PROX2: variants seen among roughly 807,000 people sequenced by gnomAD.
The protein encoded by PROX2 is prospero homeobox protein 2.
PROX2 carries 46 observed loss-of-function variants against 48.9 expected under a neutral mutation model. That is an observed-to-expected ratio of 0.94 (90% CI 0.74 to 1.20). PROX2 has a LOEUF of 1.20. PROX2 is among the 50% of genes most tolerant of loss of function. PROX2 has a pLI of 0.00. For synonymous variants in PROX2, 260 were observed against 276.6 expected (o/e 0.94, Z 0.60); for missense variants, 663 against 719.4 (o/e 0.92, Z 0.90).
rs1261155923 is a variant in PROX2 at position 74,854,373 on chromosome 14, A to C, written c.*759T>G. 2 of 320,912 alleles carry C rather than the reference A, an allele frequency of 6.2e-6. No homozygotes were observed. The highest frequency in any genetic ancestry group is 1.3e-5 in the Non-Finnish European group (2 of 158,300). The allele number at this position is 320,912 out of a possible 1,614,324, so 19.9% of individuals were successfully genotyped here. ...TCCTAAGTGCTGGGCAGGAGTTGTC[A>C]GGTGACGGTGCCCTGTCAGCGCTGG... On this transcript the variant is annotated 3_prime_UTR_variant, in exon 6 of 6. Transcript: ENST00000556489.
chr14:74,864,214 G>A (rs1483677111), intron 2 of PROX2, among the ~76,000 whole-genome samples: 2 of 152,090 alleles, frequency 1.3e-5, no homozygotes, highest in South Asian at 4.2e-4. Flanking sequence ...AGGAGACTCC[G>A]AGAGTGATCT....
At chr14:74,870,589 A>G (rs1223713944) in intron 2 of PROX2, among the ~76,000 whole-genome samples, 2 of 151,242 alleles carry the variant, frequency 1.3e-5, no homozygotes, top group Non-Finnish European at 3.0e-5. Flanking sequence ...TTTTTAATGG[A>G]TATGTTTTCA....
Position 74,856,895 on chromosome 14 carries a change from T to C in PROX2, c.1514A>G (p.Asp505Gly), listed in dbSNP as rs374516263. The change falls in exon 5 of 6, where the codon GAT becomes GGT. Residue 505 changes from aspartate to glycine, a missense_variant. Asp to Gly is a moderately conservative substitution (Grantham distance 94, BLOSUM62 -1). Transcript: ENST00000556489. ...MEKSARQAIS[D>G]GVTNPKMLVV... ...CAGCATTTTGGGATTTGTGACACCA[T>C]CTGAAATTGCTTGCCGGGCAGATTT... The C allele has an allele frequency of 1.9e-6, 3 of 1,614,008 alleles. 1 individual carries two copies. The African/African-American group carries it at 4.0e-5, about 22-fold the overall frequency.
In PROX2 at chr14:74,863,331, C is replaced by T. The variant is rs372063691; in HGVS notation, c.504G>A (p.Thr168=). The T allele has an allele frequency of 2.7e-5, 43 of 1,613,932 alleles. No individual in the cohort carries two copies. The highest frequency in any genetic ancestry group is 1.6e-4 in the Middle Eastern group (1 of 6,082). ...DTAQGPGGCG[T]GKGPLSAKQG... ...GCTTTGCACTCAGAGGGCCTTTCCC[C>T]GTGCCACAGCCTCCTGGCCCCTGAG... Residue 168 remains threonine (T), a synonymous_variant, in exon 3 of 6, where the codon ACG becomes ACA. Coordinates refer to ENST00000556489, the MANE Select transcript of PROX2 (RefSeq NM_001243007.2).
intron 2 of PROX2, among the ~76,000 whole-genome samples, chr14:74,867,265 C>T (rs148876271): frequency 2.6e-4 from 40 of 152,304 alleles, no homozygotes; most frequent in African/African-American, 9.1e-4. Flanking sequence ...GAGCCACTAC[C>T]CTCAACAATT....
At chr14:74,873,197 A>C (rs925469571) in intron 1 of PROX2, among the ~76,000 whole-genome samples, 2 of 152,054 alleles carry the variant, frequency 1.3e-5, no homozygotes, top group East Asian at 1.9e-4. Context: ...GTTAGCCAGG[A>C]TGGTCTCAAT....
At chr14:74,860,205 T>C (rs965605808) in intron 3 of PROX2, among the ~76,000 whole-genome samples, 1 of 152,254 alleles carries the variant, frequency 6.6e-6, no homozygotes, top group African/African-American at 2.4e-5. Context: ...CAGAATTTGT[T>C]AGCTTATAAA....
intron 3 of PROX2, among the ~76,000 whole-genome samples, chr14:74,860,885 T>C (rs948500010): frequency 6.6e-6 from 1 of 151,986 alleles, no homozygotes; most frequent in African/African-American, 2.4e-5. Flanking sequence ...GAGACTGAGG[T>C]GTTTTTGCAG....
chr14:74,858,168 T>C (rs574086651), intron 4 of PROX2: 13 of 383,684 alleles, frequency 3.4e-5, no homozygotes, highest in African/African-American at 2.7e-4. Flanking sequence ...TGTGTTTCTG[T>C]TTTGGGGATT....
intron 4 of PROX2, chr14:74,857,214 C>CTT (rs1343935057): frequency 2.2e-6 from 1 of 456,918 alleles, no homozygotes; most frequent in East Asian, 3.2e-5. Context: ...TAGAACATAA[C>CTT]TTTTTTTTGA....
chr14:74,873,915 G>A, intron 1 of PROX2: 1 of 468,004 alleles, frequency 2.1e-6, no homozygotes, highest in Middle Eastern at 4.5e-4. Context: ...AGGGTTCTGT[G>A]TTGGATTTGA....
intron 2 of PROX2, among the ~76,000 whole-genome samples, chr14:74,870,754 T>C (rs975393501): frequency 3.3e-5 from 5 of 152,054 alleles, no homozygotes; most frequent in African/African-American, 9.7e-5. Flanking sequence ...AAAAATAAAG[T>C]CTAGGCCGGG....
intron 3 of PROX2, among the ~76,000 whole-genome samples, chr14:74,861,005 G>A (rs1243151980): frequency 6.6e-6 from 1 of 152,204 alleles, no homozygotes; most frequent in Non-Finnish European, 1.5e-5. Context: ...CAAGAGTGGT[G>A]GCAAGTGAAG....
In PROX2 at chr14:74,863,950, C is replaced by T; in HGVS notation, c.-116G>A. On this transcript the variant is annotated 5_prime_UTR_variant, in exon 3 of 6. Coordinates refer to ENST00000556489, the MANE Select transcript of PROX2 (RefSeq NM_001243007.2). ...ACTTAGAAGGGTAAAGAGCCACTGT[C>T]ACTGAGGAAGGATTCAGATTCTGGG... The T allele has an allele frequency of 8.0e-7, 1 of 1,251,424 alleles. No homozygotes were observed. Among genetic ancestry groups the T allele is most frequent in the Non-Finnish European group, 1.0e-6 (1 of 984,790 alleles). The allele number at this position is 1,251,424 out of a possible 1,614,324, so 77.5% of individuals were successfully genotyped here.
intron 1 of PROX2, among the ~76,000 whole-genome samples, 179 bp from the exon 2 acceptor site, chr14:74,871,416 G>A (rs148606729): frequency 8.1e-4 from 123 of 152,250 alleles, no homozygotes; most frequent in Non-Finnish European, 1.5e-3. Flanking sequence ...TAACTGCGAA[G>A]GCACATAGGA....
chr14:74,865,922 A>G (rs1172150100), intron 2 of PROX2, among the ~76,000 whole-genome samples: 1 of 152,152 alleles, frequency 6.6e-6, no homozygotes, highest in Non-Finnish European at 1.5e-5. Flanking sequence ...GTTAAATTTG[A>G]TATAAGTACT....
At chr14:74,867,501 A>G (rs1883091654) in intron 2 of PROX2, among the ~76,000 whole-genome samples, 1 of 152,190 alleles carries the variant, frequency 6.6e-6, no homozygotes, top group African/African-American at 2.4e-5. Flanking sequence ...TGTGTTCCCA[A>G]GTAGTGCCTG....
intron 4 of PROX2, chr14:74,858,078 T>C (rs900197658): frequency 1.5e-5 from 3 of 196,274 alleles, no homozygotes; most frequent in African/African-American, 4.6e-5. Flanking sequence ...TTATTTTTCA[T>C]AGTGTCCCCA....
intron 5 of PROX2, 63 bp downstream of exon 5, chr14:74,856,738 A>C: frequency 6.9e-7 from 1 of 1,446,946 alleles, no homozygotes; most frequent in Non-Finnish European, 9.6e-7. Flanking sequence ...ATCTTTCCTA[A>C]AACTCGAATC....
Sources: gnomAD v4.1 joint callset for allele counts (sites outside exome capture counted in the v4.1 genomes callset) on GRCh38, gnomAD v4.1.1 for gene constraint, MANE v1.5 for transcripts, NCBI Gene and HGNC (gene_info 2026-07-23, HGNC 2026-07-21) for gene names.